RANBP2: variants seen among roughly 807,000 people sequenced by gnomAD.
RANBP2 encodes E3 SUMO-protein ligase RanBP2.
In RANBP2, 57 loss-of-function variants were observed where a neutral mutation model predicts 303.6. The observed-to-expected ratio is 0.19, with a 90% CI of 0.15 to 0.23. RANBP2 has a LOEUF of 0.23. RANBP2 is among the 10% of genes least tolerant of loss of function. RANBP2 has a pLI of 1.00. For synonymous variants in RANBP2, 1,167 were observed against 1,301.5 expected (o/e 0.90, Z 2.23); for missense variants, 3,138 against 3,780.8 (o/e 0.83, Z 4.46).
At chr2:109,018,567 C>T in the RANBP2 span, among the ~76,000 whole-genome samples, 1 of 152,230 alleles carries the variant, frequency 6.6e-6, no homozygotes, top group Admixed American at 6.5e-5. Flanking sequence ...GCGCTGACCC[C>T]TGCTCTCCAC....
chr2:109,224,591 C>G, the RANBP2 span, among the ~76,000 whole-genome samples: 1 of 152,214 alleles, frequency 6.6e-6, no homozygotes, highest in East Asian at 1.9e-4. Context: ...GGCGCAGTGG[C>G]TCACACCTGT....
At chr2:109,057,206 C>G in the RANBP2 span, among the ~76,000 whole-genome samples, 1 of 151,610 alleles carries the variant, frequency 6.6e-6, no homozygotes. Flanking sequence ...TCCTCTTAAT[C>G]TTCAGTGTCC....
the RANBP2 span, among the ~76,000 whole-genome samples, chr2:108,852,842 A>G: frequency 6.6e-6 from 1 of 152,164 alleles, no homozygotes; most frequent in Non-Finnish European, 1.5e-5. Context: ...ACAAACTCCT[A>G]TGACACAAGT....
the RANBP2 span, among the ~76,000 whole-genome samples, chr2:109,580,851 G>A: frequency 4.6e-5 from 7 of 152,314 alleles, no homozygotes; most frequent in East Asian, 9.6e-4. Flanking sequence ...CAAGTGTCCC[G>A]GGCAGAGCGC....
At chr2:109,592,559 C>A in the RANBP2 span, among the ~76,000 whole-genome samples, 4 of 151,874 alleles carry the variant, frequency 2.6e-5, no homozygotes, top group African/African-American at 9.7e-5. Context: ...GTGGGCAGAT[C>A]ACTTGAGGTC....
At chr2:108,895,239 G>A in the RANBP2 span, 1 of 152,700 alleles carries the variant, frequency 6.5e-6, no homozygotes, top group African/African-American at 2.4e-5. Context: ...GAAATTGCTT[G>A]TTGGTGTTAA....
chr2:109,159,851 G>A, the RANBP2 span, among the ~76,000 whole-genome samples: 2 of 152,150 alleles, frequency 1.3e-5, no homozygotes, highest in African/African-American at 4.8e-5. Flanking sequence ...ACTGTCTTCC[G>A]TCACCCTCAG....
At chr2:109,172,249 G>A in the RANBP2 span, among the ~76,000 whole-genome samples, 1 of 152,176 alleles carries the variant, frequency 6.6e-6, no homozygotes, top group Non-Finnish European at 1.5e-5. Context: ...AGTATCAGCC[G>A]CCACAGGGAT....
chr2:109,025,640 T>G, the RANBP2 span, among the ~76,000 whole-genome samples: 3 of 151,890 alleles, frequency 2.0e-5, no homozygotes, highest in Non-Finnish European at 4.4e-5. Flanking sequence ...ACCCCGTCTC[T>G]ACTAAAAATT....
chr2:108,900,498 G>T, the RANBP2 span, among the ~76,000 whole-genome samples: 1 of 150,900 alleles, frequency 6.6e-6, no homozygotes, highest in Non-Finnish European at 1.5e-5. Flanking sequence ...AGGTTGCAGT[G>T]AGCCAAGATC....
the RANBP2 span, among the ~76,000 whole-genome samples, chr2:108,935,717 T>C: frequency 2.6e-5 from 4 of 152,190 alleles, no homozygotes; most frequent in Admixed American, 1.3e-4. Context: ...CATTCATTTA[T>C]TCAACAAAGA....
chr2:108,720,319 C>T (rs1694133410), intron 1 of RANBP2: 2 of 712,282 alleles, frequency 2.8e-6, no homozygotes, highest in Non-Finnish European at 3.4e-6. Context: ...TCCCTCGCCC[C>T]CCTCCCCGCC....
chr2:109,707,868 G>C, the RANBP2 span, among the ~76,000 whole-genome samples: 1 of 152,206 alleles, frequency 6.6e-6, no homozygotes, highest in African/African-American at 2.4e-5. Context: ...AGAACTTCTT[G>C]TTTGAACCTC....
At chr2:108,749,243 G>A in intron 9 of RANBP2, 114 bp downstream of exon 9, 7 of 1,542,318 alleles carry the variant, frequency 4.5e-6, no homozygotes, top group Non-Finnish European at 6.2e-6. Flanking sequence ...TTTGTGTGTG[G>A]GTTGGGCTGG....
At chr2:108,889,628 G>T in the RANBP2 span, among the ~76,000 whole-genome samples, 1 of 149,766 alleles carries the variant, frequency 6.7e-6, no homozygotes, top group African/African-American at 2.5e-5. Flanking sequence ...GCTTAATTTT[G>T]GTTTTCATTT....
At chr2:109,537,964 T>TACAC in the RANBP2 span, among the ~76,000 whole-genome samples, 3 of 150,778 alleles carry the variant, frequency 2.0e-5, no homozygotes, top group African/African-American at 2.4e-5. Context: ...CACACACACA[T>TACAC]ACACACACAC....
the RANBP2 span, among the ~76,000 whole-genome samples, chr2:109,098,593 G>A: frequency 1.3e-5 from 2 of 152,120 alleles, no homozygotes; most frequent in African/African-American, 2.4e-5. Context: ...TCAACCCTTT[G>A]TCTGTTTATA....
chr2:108,962,872 A>G, the RANBP2 span, among the ~76,000 whole-genome samples: 1 of 152,116 alleles, frequency 6.6e-6, no homozygotes, highest in Non-Finnish European at 1.5e-5. Context: ...TCACTCTTCA[A>G]TGGTTTTGTC....
chr2:109,310,500 A>G, the RANBP2 span, among the ~76,000 whole-genome samples: 2 of 66,760 alleles, frequency 3.0e-5, no homozygotes, highest in Non-Finnish European at 5.0e-5. Flanking sequence ...TCAGAGCAGA[A>G]CTGAAGGAAA....
Sources: allele counts gnomAD v4.1 joint callset (sites outside exome capture counted in the v4.1 genomes callset), GRCh38; gene constraint gnomAD v4.1.1; transcripts MANE v1.5; gene names NCBI Gene and HGNC (gene_info 2026-07-23, HGNC 2026-07-21).